The following PPFIA2 variants were observed in gnomAD, a reference collection of about 807,000 sequenced individuals.
PPFIA2 encodes the protein PPFI scaffold protein A2, also known as liprin-alpha-2.
A neutral mutation model predicts 175.5 loss-of-function variants in PPFIA2; 46 were observed. That is an observed-to-expected ratio of 0.26 (90% confidence interval 0.21 to 0.34). PPFIA2 has a LOEUF of 0.34. Among genes scored for constraint, PPFIA2 ranks in the 10% least tolerant of loss-of-function variants. PPFIA2 has a pLI of 1.00. For synonymous variants in PPFIA2, 568 were observed against 511.4 expected, an observed-to-expected ratio of 1.11 and a Z score of -1.49; for missense variants, 1,179 against 1,506.1, an observed-to-expected ratio of 0.78 and a Z score of 3.60.
intron 4 of PPFIA2, among the ~76,000 whole-genome samples, chr12:81,462,585 C>CATATATATATATATATATATATATATAT (rs71098145): frequency 8.0e-6 from 1 of 124,678 alleles, no homozygotes; most frequent in African/African-American, 2.9e-5. Context: ...TATATATATA[C>CATATATATATATATATATATATATATAT]ATATATATAT....
chr12:81,555,356 A>G (rs1340628741), intron 4 of PPFIA2, among the ~76,000 whole-genome samples: 1 of 152,012 alleles, frequency 6.6e-6, no homozygotes, highest in East Asian at 1.9e-4. Context: ...TATGGTATGT[A>G]ATATAGCATA....
chr12:81,325,748 G>T, intron 22 of PPFIA2, 29 bp downstream of exon 22: 1 of 1,497,764 alleles, frequency 6.7e-7, no homozygotes. Context: ...ATAAAAGTTA[G>T]AAAAAGAGGG....
intron 24 of PPFIA2, among the ~76,000 whole-genome samples, chr12:81,291,231 G>T (rs1386774443): frequency 1.3e-5 from 2 of 151,686 alleles, no homozygotes; most frequent in African/African-American, 4.8e-5. Flanking sequence ...TGTTATACAG[G>T]ATCATGTATT....
At chr12:81,384,771 C>A (rs1012379788) in intron 8 of PPFIA2, among the ~76,000 whole-genome samples, 8 of 152,014 alleles carry the variant, frequency 5.3e-5, no homozygotes, top group Non-Finnish European at 1.2e-4. Flanking sequence ...TGAATCTGAC[C>A]TAGCTGGAAC....
chr12:81,482,258 G>T (rs1936708681), intron 4 of PPFIA2, among the ~76,000 whole-genome samples: 1 of 152,186 alleles, frequency 6.6e-6, no homozygotes, highest in African/African-American at 2.4e-5. Context: ...GAGAGGATGT[G>T]GAGAAATAGG....
At chr12:81,440,289 C>T (rs893519036) in intron 6 of PPFIA2, among the ~76,000 whole-genome samples, 1 of 152,094 alleles carries the variant, frequency 6.6e-6, no homozygotes, top group Non-Finnish European at 1.5e-5. Flanking sequence ...GATAGAGCTT[C>T]AGGTGGGGTT....
At chr12:81,498,070 T>G (rs946227669) in intron 4 of PPFIA2, among the ~76,000 whole-genome samples, 3 of 152,104 alleles carry the variant, frequency 2.0e-5, no homozygotes, top group African/African-American at 7.2e-5. Flanking sequence ...ATTTACAGAG[T>G]TGGCATGGTG....
At chr12:81,681,717 A>G (rs1020502428) in intron 3 of PPFIA2, among the ~76,000 whole-genome samples, 9 of 71,628 alleles carry the variant, frequency 1.3e-4, no homozygotes, top group Non-Finnish European at 3.9e-4. Context: ...GTGCAAGTGA[A>G]AAAAAAAAAG....
chr12:81,540,223 A>G (rs2065998711), intron 4 of PPFIA2, among the ~76,000 whole-genome samples: 1 of 152,108 alleles, frequency 6.6e-6, no homozygotes, highest in African/African-American at 2.4e-5. Context: ...AAAAACACCA[A>G]ACCAGGGAAT....
chr12:81,281,200 G>T (rs2136984574), intron 27 of PPFIA2, 57 bp downstream of exon 27: 2 of 1,321,888 alleles, frequency 1.5e-6, no homozygotes, highest in African/African-American at 1.5e-5. Context: ...TAAAGTATAG[G>T]TAATATATTG....
intron 4 of PPFIA2, among the ~76,000 whole-genome samples, chr12:81,533,694 T>TCTATCTAC (rs1303262494): frequency 1.1e-4 from 11 of 101,488 alleles, no homozygotes; most frequent in African/African-American, 4.7e-4. Flanking sequence ...AATTCACAAA[T>TCTATCTAC]CTATCTATCT....
intron 3 of PPFIA2, among the ~76,000 whole-genome samples, chr12:81,725,767 A>G (rs1008000053): frequency 1.1e-4 from 16 of 150,912 alleles, no homozygotes; most frequent in Non-Finnish European, 1.6e-4. Context: ...TAATCAAGAA[A>G]TAAGGGGGAG....
chr12:81,323,698 C>T (rs1270664371), intron 22 of PPFIA2, among the ~76,000 whole-genome samples: 1 of 151,790 alleles, frequency 6.6e-6, no homozygotes, highest in South Asian at 2.1e-4. Context: ...AAATTTGAAA[C>T]CATGTAATTT....
chr12:81,452,586 T>A (rs1277251561), intron 5 of PPFIA2, among the ~76,000 whole-genome samples: 1 of 152,236 alleles, frequency 6.6e-6, no homozygotes, highest in Non-Finnish European at 1.5e-5. Context: ...CTTTCATAAA[T>A]AACTATATAC....
In PPFIA2 at chr12:81,390,031, C is replaced by T. The variant is rs1192421678; in HGVS notation, c.763-5787G>A. On this transcript the variant is annotated intron_variant, in intron 8 of 32. Coordinates refer to ENST00000549396, the MANE Select transcript of PPFIA2 (RefSeq NM_003625.5). The stretch of plus-strand genomic sequence containing the variant: ...TGGACTTTTCACAGAAGTGGAGTTG[C>T]TGAACATGTGTTCTTTCGTGACTAG... 2.6e-5 allele frequency among the ~76,000 whole-genome samples: 4 copies of T among 152,050 alleles called. No homozygotes were observed. In the East Asian group the frequency reaches 7.7e-4, roughly 29 times the overall value.
At chr12:81,432,736 C>T (rs765000231) in intron 7 of PPFIA2, among the ~76,000 whole-genome samples, 8 of 151,968 alleles carry the variant, frequency 5.3e-5, no homozygotes, top group Non-Finnish European at 1.2e-4. Flanking sequence ...GGATTACAGG[C>T]GTGAGCCACT....
chr12:81,514,327 TTAAG>T (rs761274585), intron 4 of PPFIA2, among the ~76,000 whole-genome samples: 6 of 151,952 alleles, frequency 3.9e-5, no homozygotes, highest in African/African-American at 7.2e-5. Flanking sequence ...GAAAATTAAT[TTAAG>T]TAATAAGTAA....
intron 4 of PPFIA2, among the ~76,000 whole-genome samples, chr12:81,519,657 C>T (rs1165257619): frequency 2.6e-5 from 4 of 152,172 alleles, no homozygotes; most frequent in South Asian, 2.1e-4. Context: ...AAAGAAATGT[C>T]TCAAGACCTT....
intron 4 of PPFIA2, among the ~76,000 whole-genome samples, chr12:81,583,027 T>C (rs1292833521): frequency 6.6e-6 from 1 of 151,924 alleles, no homozygotes; most frequent in Non-Finnish European, 1.5e-5. Flanking sequence ...ATTGAAACCT[T>C]GAATTCCTTG....
Sources: allele counts gnomAD v4.1 joint callset (sites outside exome capture counted in the v4.1 genomes callset), GRCh38; gene constraint gnomAD v4.1.1; transcripts MANE v1.5; gene names NCBI Gene and HGNC (gene_info 2026-07-23, HGNC 2026-07-21).